Variants in AGAP1 observed in about 807,000 individuals in gnomAD.
AGAP1 encodes the protein ArfGAP with GTPase domain, ankyrin repeat and PH domain 1, also known as arf-GAP with GTPase, ANK repeat and PH domain-containing protein 1.
A neutral mutation model predicts 105.3 loss-of-function variants in AGAP1; 29 were observed. The ratio of observed to expected loss-of-function variants is 0.28; its 90% CI spans 0.21 to 0.38. The LOEUF (loss-of-function observed/expected upper bound fraction) is 0.38, where lower values mean the gene tolerates loss of function less well. Ranked by LOEUF, AGAP1 falls within the 10% of genes least tolerant of loss-of-function variation. AGAP1 has a pLI of 1.00. For missense variants in AGAP1, 998 were observed against 1,165.1 expected (o/e 0.86, Z 2.09); for synonymous variants, 509 against 485.9 (o/e 1.05, Z -0.63).
At position 235,719,742 on chromosome 2, in the gene AGAP1, G is replaced by A. The variant is rs928526202; in HGVS notation, c.310+2098G>A. Among the ~76,000 whole-genome samples, 7 of 152,186 alleles carry A rather than the reference G, an allele frequency of 4.6e-5. No individual in the cohort carries two copies. The highest frequency in any genetic ancestry group is 1.7e-4 in the African/African-American group (7 of 41,448). ...CCCTGACCTTTTCTCATGCCCTGCAGCAGCCCTCCCTGGGCATGTGGCCTC... is the reference window on the plus strand; with the variant it reads ...CCCTGACCTTTTCTCATGCCCTGCAACAGCCCTCCCTGGGCATGTGGCCTC... On this transcript the variant is annotated intron_variant, in intron 3 of 17. Transcript: ENST00000304032. The surrounding 1 kb of genome is among the most constrained non-coding windows in gnomAD (Gnocchi z 4.9).
intron 10 of AGAP1, among the ~76,000 whole-genome samples, chr2:235,884,514 G>A (rs182811800): frequency 1.4e-5 from 2 of 147,810 alleles, no homozygotes; most frequent in African/African-American, 2.5e-5. Flanking sequence ...GCAGTGGCGC[G>A]ATCCTGGCTC....
intron 1 of AGAP1, among the ~76,000 whole-genome samples, chr2:235,499,170 G>A (rs1040246237): frequency 2.8e-4 from 43 of 152,202 alleles, no homozygotes; most frequent in African/African-American, 4.1e-4. Context: ...CTCTGTCGCC[G>A]TGTGAGATTG....
At chr2:235,835,941 C>T (rs6734873) in intron 9 of AGAP1, among the ~76,000 whole-genome samples, 161 of 152,198 alleles carry the variant, frequency 1.1e-3, no homozygotes, top group African/African-American at 3.6e-3. Flanking sequence ...TGTATGGTTG[C>T]CAGCAAAATG....
chr2:235,704,854 C>T (rs1575176574), intron 1 of AGAP1, among the ~76,000 whole-genome samples: 1 of 151,920 alleles, frequency 6.6e-6, no homozygotes, highest in Admixed American at 6.6e-5. Context: ...GAGGCAGCAG[C>T]AGGGAGAACC....
intron 13 of AGAP1, among the ~76,000 whole-genome samples, chr2:236,028,163 A>C (rs1278282089): frequency 1.3e-5 from 2 of 152,118 alleles, no homozygotes; most frequent in Non-Finnish European, 2.9e-5. Flanking sequence ...CCTTTACCTG[A>C]AGCTGGTGCC....
intron 9 of AGAP1, among the ~76,000 whole-genome samples, chr2:235,873,028 C>G (rs888781044): frequency 2.6e-5 from 4 of 152,324 alleles, no homozygotes; most frequent in African/African-American, 7.2e-5. Flanking sequence ...GACCCTGGCT[C>G]TTTCCAAGGG....
At chr2:235,985,304 G>A (rs777033898) in intron 13 of AGAP1, among the ~76,000 whole-genome samples, 15 of 151,826 alleles carry the variant, frequency 9.9e-5, no homozygotes, top group Non-Finnish European at 2.1e-4. Flanking sequence ...GGGGTTGTTT[G>A]TTTCTTGTAA....
At chr2:236,106,310 C>T (rs2059489069) in intron 16 of AGAP1, among the ~76,000 whole-genome samples, 3 of 152,248 alleles carry the variant, frequency 2.0e-5, no homozygotes. Context: ...CCTTTCCTAG[C>T]ATGTCATCCA....
In AGAP1 at chr2:236,044,247, C is replaced by A. The variant is rs1350853683; in HGVS notation, c.1891+3406C>A. Among the ~76,000 whole-genome samples the A allele has an allele frequency of 6.6e-6, 1 of 152,198 alleles. No homozygotes were observed. The highest frequency in any genetic ancestry group is 1.5e-5 in the Non-Finnish European group (1 of 68,036). On this transcript the variant is annotated intron_variant, in intron 15 of 17. Transcript: ENST00000304032. The surrounding 1 kb of genome is among the most constrained non-coding windows in gnomAD (Gnocchi z 5.7). ...GGCCCAACCCAGCATGTCCCAGGCCCATCGGACAGTGGGGCCTTTGTTTAG... is the reference window on the plus strand; with the variant it reads ...GGCCCAACCCAGCATGTCCCAGGCCAATCGGACAGTGGGGCCTTTGTTTAG...
At chr2:235,513,648 T>C (rs1235594788) in intron 1 of AGAP1, among the ~76,000 whole-genome samples, 1 of 152,078 alleles carries the variant, frequency 6.6e-6, no homozygotes, top group African/African-American at 2.4e-5. Context: ...AGGCTGCTGC[T>C]GCCATTTTGG....
At chr2:235,709,461 A>T (rs773529108) in intron 2 of AGAP1, among the ~76,000 whole-genome samples, 5 of 152,100 alleles carry the variant, frequency 3.3e-5, no homozygotes, top group Non-Finnish European at 7.4e-5. Flanking sequence ...CCACTCAGCC[A>T]GGGCGGTGTC....
chr2:235,874,308 C>G lies in AGAP1; in HGVS notation c.1051-9037C>G, dbSNP rs142718060. ...TTGTGATCTGCCGGCCTCGGCCTCC[C>G]AAAGTGCTGGGGTTACAGATGTAAG... is the stretch of plus-strand genomic sequence containing the variant. On this transcript the variant is annotated intron_variant, in intron 9 of 17. Transcript: ENST00000304032. This position sits in a 1 kb window ranked among gnomAD's most constrained non-coding sequence, Gnocchi z 4.5. Among the ~76,000 whole-genome samples, 1,638 of 152,304 alleles carry G rather than the reference C, an allele frequency of 0.011. 31 individuals carry two copies. Among genetic ancestry groups the G allele is most frequent in the African/African-American group, 0.037 (1,541 of 41,548 alleles).
chr2:235,780,439 T>G (rs12470048), intron 6 of AGAP1, among the ~76,000 whole-genome samples: 36,134 of 152,132 alleles, frequency 0.24, 4,905 homozygotes, highest in Admixed American at 0.39. Flanking sequence ...AGTGTGATTC[T>G]TGGTGGTTTT....
chr2:235,562,626 T>G (rs1944196061), intron 1 of AGAP1, among the ~76,000 whole-genome samples: 1 of 152,188 alleles, frequency 6.6e-6, no homozygotes, highest in Non-Finnish European at 1.5e-5. Flanking sequence ...TCCACATGCC[T>G]TCTTTTGTGA....
At chr2:235,897,961 T>G (rs1335944004) in intron 10 of AGAP1, among the ~76,000 whole-genome samples, 1 of 152,158 alleles carries the variant, frequency 6.6e-6, no homozygotes, top group Non-Finnish European at 1.5e-5. Flanking sequence ...CGATTTATGT[T>G]CATTAAGTGC....
At chr2:235,640,875 A>G (rs1947167246) in intron 1 of AGAP1, among the ~76,000 whole-genome samples, 1 of 152,200 alleles carries the variant, frequency 6.6e-6, no homozygotes, top group Admixed American at 6.5e-5. Context: ...GGGAGAGAAA[A>G]GTCCAGGAGT....
At chr2:235,797,732 A>C (rs368387267) in intron 6 of AGAP1, 27 bp from the exon 7 acceptor site, 3 of 1,613,818 alleles carry the variant, frequency 1.9e-6, no homozygotes, top group Non-Finnish European at 2.5e-6. Context: ...ATTGACATGG[A>C]TTTCTTTTTG....
chr2:236,048,936 TCGCCATGGA>T, intron 15 of AGAP1, 114 bp from the exon 16 acceptor site: 1 of 925,576 alleles, frequency 1.1e-6, no homozygotes, highest in South Asian at 1.6e-5. Flanking sequence ...GCATTTTTTC[TCGCCATGGA>T]TGTGGTTCTG....
chr2:235,783,950 T>C (rs1956441635), intron 6 of AGAP1, among the ~76,000 whole-genome samples: 1 of 151,490 alleles, frequency 6.6e-6, no homozygotes, highest in Non-Finnish European at 1.5e-5. Flanking sequence ...TTGAATTGCA[T>C]CAGAAAATGA....
Sources: gnomAD v4.1 joint callset for allele counts (sites outside exome capture counted in the v4.1 genomes callset) on GRCh38, gnomAD v4.1.1 for gene constraint, Gnocchi (gnomAD v3.1) non-coding constraint, MANE v1.5 for transcripts, NCBI Gene and HGNC (gene_info 2026-07-23, HGNC 2026-07-21) for gene names.